Variants in BLTP1 observed in about 807,000 individuals in gnomAD.
The protein encoded by BLTP1 is fragile site-associated protein.
chr4:122,209,800 C>T, the BLTP1 span: 4 of 1,611,524 alleles, frequency 2.5e-6, no homozygotes, highest in Non-Finnish European at 3.4e-6. Flanking sequence ...TAGAAACTGT[C>T]TGTTTTACTC....
chr4:122,167,297 T>G, the BLTP1 span, among the ~76,000 whole-genome samples: 5 of 152,202 alleles, frequency 3.3e-5, no homozygotes, highest in Admixed American at 6.5e-5. Flanking sequence ...AGTGAGACAT[T>G]GTAATAATGG....
chr4:122,157,290 G>T, the BLTP1 span, among the ~76,000 whole-genome samples: 2 of 152,088 alleles, frequency 1.3e-5, no homozygotes, highest in African/African-American at 4.8e-5. Context: ...TCTGGCTCAG[G>T]GTCTTTGAGG....
chr4:122,190,085 G>A, the BLTP1 span: 1 of 1,594,164 alleles, frequency 6.3e-7, no homozygotes, highest in East Asian at 2.3e-5. Context: ...GCCAGGTATT[G>A]TTGTTGTTGT....
chr4:122,337,288 T>C, the BLTP1 span: 3 of 406,412 alleles, frequency 7.4e-6, no homozygotes, highest in Admixed American at 1.4e-4. Context: ...TTAATACACT[T>C]AACTTACTGA....
At chr4:122,337,055 G>C in the BLTP1 span, 8 of 1,529,468 alleles carry the variant, frequency 5.2e-6, no homozygotes, top group Non-Finnish European at 7.2e-6. Flanking sequence ...TTGTTTTAAA[G>C]AGAAATGTTT....
the BLTP1 span, chr4:122,152,350 G>A: frequency 2.4e-5 from 24 of 985,306 alleles, no homozygotes; most frequent in African/African-American, 4.0e-4. Context: ...CCCGGCCTCG[G>A]TTGGGACCCC....
chr4:122,271,473 A>G, the BLTP1 span: 1 of 1,613,594 alleles, frequency 6.2e-7, no homozygotes, highest in African/African-American at 1.3e-5. Context: ...AATAACAAAA[A>G]GGAATCTCGA....
chr4:122,280,156 A>T, the BLTP1 span: 20,118 of 985,216 alleles, frequency 0.02, 1,327 homozygotes, highest in African/African-American at 0.21. Context: ...TGACTTTTGA[A>T]AGCATTAAAG....
the BLTP1 span, chr4:122,170,893 A>G: frequency 1.8e-6 from 1 of 561,410 alleles, no homozygotes; most frequent in South Asian, 2.7e-5. Flanking sequence ...TATTTCTTGA[A>G]CATTTGTTCT....
the BLTP1 span, among the ~76,000 whole-genome samples, chr4:122,158,217 C>T: frequency 6.6e-6 from 1 of 152,016 alleles, no homozygotes; most frequent in South Asian, 2.1e-4. Context: ...TGTTTGTTAG[C>T]CAATATGAAA....
the BLTP1 span, chr4:122,359,761 G>GATTA: frequency 6.5e-7 from 1 of 1,543,158 alleles, no homozygotes; most frequent in Non-Finnish European, 8.7e-7. Context: ...TATGCTAAGG[G>GATTA]ATTACTATGA....
the BLTP1 span, chr4:122,343,785 C>A: frequency 2.3e-6 from 1 of 427,646 alleles, no homozygotes; most frequent in Non-Finnish European, 3.1e-6. Context: ...ATAAGTAATT[C>A]AGGTGAATTA....
chr4:122,317,153 G>A, the BLTP1 span, among the ~76,000 whole-genome samples: 1 of 152,088 alleles, frequency 6.6e-6, no homozygotes, highest in South Asian at 2.1e-4. Context: ...GTGACATGGT[G>A]AAACCCTGTC....
the BLTP1 span, chr4:122,286,661 C>A: frequency 6.2e-7 from 1 of 1,614,012 alleles, no homozygotes; most frequent in Non-Finnish European, 8.5e-7. Context: ...CCCCCTGTTA[C>A]CATGTCAGGG....
the BLTP1 span, chr4:122,255,254 A>G: frequency 6.2e-6 from 10 of 1,608,174 alleles, no homozygotes; most frequent in African/African-American, 1.3e-5. Context: ...GCACCAGGCA[A>G]ATTACTCCAT....
the BLTP1 span, chr4:122,266,912 G>A: frequency 6.2e-7 from 1 of 1,608,330 alleles, no homozygotes; most frequent in Non-Finnish European, 8.5e-7. Context: ...AGCAGATATT[G>A]TGGATTCAGA....
chr4:122,255,273 A>T, the BLTP1 span: 1 of 1,593,778 alleles, frequency 6.3e-7, no homozygotes, highest in Non-Finnish European at 8.6e-7. Context: ...ATCATTGATG[A>T]TGCTACAATG....
the BLTP1 span, chr4:122,362,098 T>C: frequency 6.2e-7 from 1 of 1,613,508 alleles, no homozygotes; most frequent in African/African-American, 1.3e-5. Flanking sequence ...AAAATTGGGC[T>C]TTCATCATGC....
chr4:122,220,250 G>A, the BLTP1 span: 2 of 1,419,796 alleles, frequency 1.4e-6, no homozygotes, highest in Non-Finnish European at 1.9e-6. Context: ...TCTTAATCAT[G>A]ACAGATGTAA....
Sources: allele counts gnomAD v4.1 joint callset (sites outside exome capture counted in the v4.1 genomes callset), GRCh38; gene constraint gnomAD v4.1.1; transcripts MANE v1.5; gene names NCBI Gene and HGNC (gene_info 2026-07-23, HGNC 2026-07-21).